The following NOMO1 variants were observed in gnomAD, a reference collection of about 807,000 sequenced individuals.
The protein encoded by NOMO1 is nodal modulator 3.
Under a neutral mutation model 133.8 loss-of-function variants are expected in NOMO1, and 40 were observed. The ratio of observed to expected loss-of-function variants is 0.30; its 90% confidence interval spans 0.23 to 0.39. The LOEUF (loss-of-function observed/expected upper bound fraction) is 0.39, where lower values mean the gene tolerates loss of function less well. Ranked by LOEUF, NOMO1 falls within the 10% of genes least tolerant of loss-of-function variation. The pLI, the probability that NOMO1 is intolerant of heterozygous loss-of-function variation, is 1.00. For synonymous variants in NOMO1, 236 were observed against 570.5 expected (o/e 0.41, Z 8.36); for missense variants, 462 against 1,419.9 (o/e 0.33, Z 10.84).
Position 14,857,281 on chromosome 16 carries a change from G to A in NOMO1, c.1028G>A (p.Gly343Asp). 1 of 1,604,616 alleles carries A rather than the reference G, an allele frequency of 6.2e-7. No individual in the cohort carries two copies. The highest frequency in any genetic ancestry group is 1.4e-5 in the African/African-American group (1 of 74,034). The stretch of plus-strand genomic sequence containing the variant: ...GTCTTGAACGGACCCGAAGGAGATG[G>A]TGTTCCAGAAGCAGTAGTCACCCTG... ...GRVLNGPEGD[G>D]VPEAVVTLNN... Residue 343 changes from glycine to aspartate, a missense_variant, in exon 10 of 31, where the codon GGT becomes GAT. Transcript: ENST00000287667.
rs1963461244 is a variant in NOMO1, at chr16:14,833,819, C to T, written c.-33C>T. ...CAGTGTGAGGGGCGGGACCCGGCTG[C>T]CGGCGGTGGGTCTAGCTGGGGGAGG... On this transcript the variant is annotated 5_prime_UTR_variant, in exon 1 of 31. Coordinates refer to ENST00000287667, the MANE Select transcript of NOMO1 (RefSeq NM_014287.4). The T allele has an allele frequency of 1.8e-5, 8 of 448,658 alleles. No homozygotes were observed. The highest frequency in any genetic ancestry group is 2.9e-5 in the Non-Finnish European group (8 of 273,608). The allele number at this position is 448,658 out of a possible 1,614,324, so 27.8% of individuals were successfully genotyped here.
At chr16:14,855,935 A>G (rs1193935106) in intron 9 of NOMO1, among the ~76,000 whole-genome samples, 1 of 152,138 alleles carries the variant, frequency 6.6e-6, no homozygotes, top group Admixed American at 6.6e-5. Flanking sequence ...ATCAAGAAGG[A>G]CTACCTGTCA....
rs140022331 is a variant in NOMO1 at position 14,866,910 on chromosome 16, C to T, written c.1806+219C>T. On this transcript the variant is annotated intron_variant, in intron 15 of 30. Transcript: ENST00000287667. ...AGGAGGTTTCCTTGTCCTGGCCCTA[C>T]ACTAAATCTGACTGGTGATTCGGGG... Among the ~76,000 whole-genome samples the T allele has an allele frequency of 8.6e-3, 1,292 of 149,676 alleles. 10 individuals carry two copies. Among genetic ancestry groups the T allele is most frequent in the Non-Finnish European group, 0.014 (930 of 67,722 alleles).
chr16:14,866,052 CCAGT>C (rs1963989719), intron 14 of NOMO1, among the ~76,000 whole-genome samples: 1 of 145,028 alleles, frequency 6.9e-6, no homozygotes, highest in Non-Finnish European at 1.5e-5. Context: ...GAAATTGGTT[CCAGT>C]TTTTCTTTCT....
intron 2 of NOMO1, among the ~76,000 whole-genome samples, chr16:14,839,137 C>T (rs1324142070): frequency 6.6e-6 from 1 of 151,748 alleles, no homozygotes; most frequent in African/African-American, 2.4e-5. Flanking sequence ...TCACTCCAAC[C>T]TCCACCCCCC....
intron 2 of NOMO1, among the ~76,000 whole-genome samples, chr16:14,840,541 C>T (rs1482194494): frequency 7.3e-6 from 1 of 137,868 alleles, no homozygotes; most frequent in Non-Finnish European, 1.6e-5. Context: ...GAGCCAAGAT[C>T]GCACCACTTC....
At chr16:14,893,432 C>T (rs1346356407) in intron 29 of NOMO1, among the ~76,000 whole-genome samples, 2 of 151,728 alleles carry the variant, frequency 1.3e-5, no homozygotes, top group African/African-American at 2.4e-5. Flanking sequence ...GTGATCTGCC[C>T]ACCTCAGCCT....
intron 17 of NOMO1, 58 bp downstream of exon 17, chr16:14,871,742 C>T (rs1964085145): frequency 6.7e-7 from 1 of 1,490,462 alleles, no homozygotes; most frequent in Non-Finnish European, 9.2e-7. Context: ...GAGGATTCTT[C>T]ATTTACTTCA....
intron 6 of NOMO1, among the ~76,000 whole-genome samples, chr16:14,850,344 A>G (rs1293827175): frequency 1.3e-5 from 2 of 151,958 alleles, no homozygotes; most frequent in Admixed American, 6.6e-5. Context: ...TGACTTCTAG[A>G]GAAAGAGGGA....
intron 1 of NOMO1, among the ~76,000 whole-genome samples, chr16:14,836,207 C>T (rs1404694288): frequency 6.6e-6 from 1 of 151,978 alleles, no homozygotes; most frequent in African/African-American, 2.4e-5. Context: ...ATTTCCAGTC[C>T]CTGCCTTAAA....
At chr16:14,860,266 G>A (rs1963903242) in intron 11 of NOMO1, among the ~76,000 whole-genome samples, 1 of 151,714 alleles carries the variant, frequency 6.6e-6, no homozygotes, top group Non-Finnish European at 1.5e-5. Flanking sequence ...AACTCAGGAG[G>A]CTGAGGCAGG....
chr16:14,868,987 G>A (rs1964043487), intron 16 of NOMO1, among the ~76,000 whole-genome samples: 1 of 150,120 alleles, frequency 6.7e-6, no homozygotes, highest in Non-Finnish European at 1.5e-5. Context: ...CACCCAGGCT[G>A]GAGTGTAGTG....
chr16:14,856,786 G>T (rs1224916807), intron 9 of NOMO1, among the ~76,000 whole-genome samples: 1 of 151,956 alleles, frequency 6.6e-6, no homozygotes, highest in Non-Finnish European at 1.5e-5. Context: ...CCTTGCAGAG[G>T]TGGAATCCAC....
At chr16:14,843,048 G>A (rs1327245020) in intron 3 of NOMO1, among the ~76,000 whole-genome samples, 2 of 132,818 alleles carry the variant, frequency 1.5e-5, no homozygotes, top group Non-Finnish European at 3.2e-5. Context: ...CTCCTCAGTA[G>A]ATGAGATTAC....
At chr16:14,893,691 C>T (rs913558590) in intron 29 of NOMO1, among the ~76,000 whole-genome samples, 3 of 151,116 alleles carry the variant, frequency 2.0e-5, no homozygotes, top group Admixed American at 6.6e-5. Flanking sequence ...TTGCAGGACC[C>T]CTTTATACTG....
chr16:14,868,958 A>G (rs1444848335), intron 16 of NOMO1, among the ~76,000 whole-genome samples: 1 of 139,804 alleles, frequency 7.2e-6, no homozygotes, highest in African/African-American at 2.7e-5. Flanking sequence ...TTTTTTTTTG[A>G]GATGGAGTCT....
At chr16:14,835,962 C>G (rs1374725303) in intron 1 of NOMO1, among the ~76,000 whole-genome samples, 1 of 151,718 alleles carries the variant, frequency 6.6e-6, no homozygotes, top group Admixed American at 6.6e-5. Flanking sequence ...TCCATACTCT[C>G]ATGAGACTGA....
intron 7 of NOMO1, 162 bp from the exon 8 acceptor site, chr16:14,853,305 C>G: frequency 1.9e-6 from 1 of 519,880 alleles, no homozygotes; most frequent in Non-Finnish European, 3.2e-6. Context: ...ACTTGAATGT[C>G]AAGATTTTTG....
intron 22 of NOMO1, among the ~76,000 whole-genome samples, chr16:14,877,154 TG>T (rs1328652988): frequency 4.9e-5 from 7 of 142,708 alleles, no homozygotes; most frequent in East Asian, 2.1e-4. Flanking sequence ...GATATACTGT[TG>T]TTTTTTTTTT....
Sources: allele counts gnomAD v4.1 joint callset (sites outside exome capture counted in the v4.1 genomes callset), GRCh38; gene constraint gnomAD v4.1.1; transcripts MANE v1.5; gene names NCBI Gene and HGNC (gene_info 2026-07-23, HGNC 2026-07-21).